The following ABCA3 variants were observed in gnomAD, a reference collection of about 807,000 sequenced individuals.
ABCA3 encodes the protein ATP binding cassette subfamily A member 3.
A neutral mutation model predicts 172.8 loss-of-function variants in ABCA3; 88 were observed. The observed-to-expected ratio is 0.51, with a 90% CI of 0.43 to 0.61. The LOEUF is 0.61. Among genes scored for constraint, ABCA3 ranks in the 20% least tolerant of loss-of-function variants. ABCA3 has a pLI of 0.00. For missense variants in ABCA3, 2,164 were observed against 2,301.0 expected, an observed-to-expected ratio of 0.94 and a Z score of 1.22; for synonymous variants, 1,066 against 983.8, an observed-to-expected ratio of 1.08 and a Z score of -1.56.
At chr16:2,329,545 T>A (rs539327853) in intron 2 of ABCA3, 103 bp downstream of exon 2, 1 of 152,364 alleles carries the variant, frequency 6.6e-6, no homozygotes, top group East Asian at 1.9e-4. Context: ...AAGATCCCCA[T>A]GCTTAATCTT....
In ABCA3 at chr16:2,278,894, C is replaced by T; in HGVS notation, c.4547+49G>A. 6.2e-7 allele frequency: 1 copy of T among 1,611,748 alleles called. No individual in the cohort carries two copies. The highest frequency in any genetic ancestry group is 1.3e-5 in the African/African-American group (1 of 75,038). On this transcript the variant is annotated intron_variant, in intron 29 of 32. Coordinates refer to ENST00000301732, the MANE Select transcript of ABCA3 (RefSeq NM_001089.3). This position sits in a 1 kb window ranked among gnomAD's most constrained non-coding sequence, Gnocchi z 4.4. ...CACTCCCAGCTCTATGCTATGGGGA[C>T]CTTGATTCTGACTCCACTCTGGGAA...
intron 12 of ABCA3, among the ~76,000 whole-genome samples, chr16:2,301,217 C>CAA (rs2093688916): frequency 6.9e-6 from 1 of 144,398 alleles, no homozygotes; most frequent in Non-Finnish European, 1.5e-5. Flanking sequence ...GGCGACAGAG[C>CAA]GAGACTCCGT....
In ABCA3 at chr16:2,281,535, T is replaced by G. The variant is rs753552296; in HGVS notation, c.4036-26A>C. On this transcript the variant is annotated intron_variant, in intron 26 of 32. Transcript: ENST00000301732. This position sits in a 1 kb window ranked among gnomAD's most constrained non-coding sequence, Gnocchi z 4.7. ...CTGATTGACCAGGACAAAGACCGCA[T>G]GCGTGAACCCAGCCGCAGGGCGGCT... 1 of 1,434,976 alleles carries G rather than the reference T, an allele frequency of 7.0e-7. No homozygotes were observed. The highest frequency in any genetic ancestry group is 1.1e-5 in the South Asian group (1 of 88,930). The allele number at this position is 1,434,976 out of a possible 1,614,324, so 88.9% of individuals were successfully genotyped here.
chr16:2,322,781 A>T (rs1360270424), intron 7 of ABCA3, among the ~76,000 whole-genome samples: 4 of 152,074 alleles, frequency 2.6e-5, no homozygotes, highest in African/African-American at 9.7e-5. Flanking sequence ...AAGCAATGGC[A>T]ACAAAAGCCA....
intron 7 of ABCA3, among the ~76,000 whole-genome samples, chr16:2,322,358 G>A (rs1219759736): frequency 6.6e-6 from 1 of 151,606 alleles, no homozygotes; most frequent in Non-Finnish European, 1.5e-5. Context: ...AAGAGTAAAT[G>A]TTCCTGAAAA....
At chr16:2,316,215 G>A (rs1356513423) in intron 10 of ABCA3, among the ~76,000 whole-genome samples, 2 of 147,410 alleles carry the variant, frequency 1.4e-5, no homozygotes, top group Non-Finnish European at 3.0e-5. Flanking sequence ...GGCTGAGGCT[G>A]GAAGATAGCT....
At chr16:2,318,325 C>T (rs1259384427) in intron 8 of ABCA3, among the ~76,000 whole-genome samples, 1 of 152,104 alleles carries the variant, frequency 6.6e-6, no homozygotes, top group Admixed American at 6.6e-5. Context: ...CCTCACCTGC[C>T]CCACCAAGGA....
Position 2,319,628 on chromosome 16 carries a change from G to T in ABCA3, c.826C>A (p.Leu276Ile). 6.2e-7 allele frequency: 1 copy of T among 1,613,552 alleles called. No homozygotes were observed. ...TGCACGACAGCACGGGCAATGGTGA[G>T]CGCGGTGTAGGTGAAGCTGAGCAGC... ...LLLLSFTYTA[L>I]TIARAVVQEK... Residue 276 changes from leucine (L) to isoleucine (I), a missense_variant, in exon 8 of 33, where the codon CTC (leucine) becomes ATC (isoleucine). Coordinates refer to ENST00000301732, the MANE Select transcript of ABCA3 (RefSeq NM_001089.3).
rs2141694682 is a variant in ABCA3, at chr16:2,285,124, G to A, written c.3484-126C>T. On this transcript the variant is annotated intron_variant, in intron 23 of 32. Transcript: ENST00000301732. This position sits in a 1 kb window ranked among gnomAD's most constrained non-coding sequence, Gnocchi z 4.7. Reference sequence around the variant, plus strand: ...CCGGTCAGCTGGCCCATGTCCATCAGCCCCACAGGCCACGTCTGGCCCCCG... The same window carrying A: ...CCGGTCAGCTGGCCCATGTCCATCAACCCCACAGGCCACGTCTGGCCCCCG... 2 of 1,091,976 alleles carry A rather than the reference G, an allele frequency of 1.8e-6. No individual in the cohort carries two copies. The highest frequency in any genetic ancestry group is 2.6e-5 in the East Asian group (1 of 38,864). 67.6% of individuals were successfully genotyped at this position (1,091,976 alleles called of 1,614,324 possible).
In ABCA3 at chr16:2,340,643, G is replaced by C. The variant is rs1285145854; in HGVS notation, c.-609C>G. ...GCGGGGTCCCCTCCCTCGGCCACCC[G>C]GGCTCCGCTCCAGCCTCGCAGTGGC... On this transcript the variant is annotated 5_prime_UTR_variant, in exon 1 of 33. Coordinates refer to ENST00000301732, the MANE Select transcript of ABCA3 (RefSeq NM_001089.3). The C allele has an allele frequency of 1.3e-5, 2 of 149,802 alleles. No homozygotes were observed. The highest frequency in any genetic ancestry group is 4.9e-5 in the African/African-American group (2 of 41,182). The allele number at this position is 149,802 out of a possible 1,614,324, so 9.3% of individuals were successfully genotyped here.
chr16:2,317,648 C>A lies in ABCA3; in HGVS notation c.990G>T (p.Lys330Asn). The change falls in exon 9 of 33, where the codon AAG becomes AAT. Residue 330 changes from lysine (K) to asparagine (N), a missense_variant and splice_region_variant. This residue lies in a region of ABCA3 where 1,343 missense variants were observed against 1,369.6 expected (regional missense o/e 0.98). Transcript: ENST00000301732. Reference sequence around the variant, plus strand: ...AGAGCCCCACCGACGCCATGCTCACCTTGACACAGAAGAGCAGGGTCATGA... The same window carrying A: ...AGAGCCCCACCGACGCCATGCTCACATTGACACAGAAGAGCAGGGTCATGA... ...ASFMTLLFCV[K>N]VKPNVAVLSR... 6.2e-7 allele frequency: 1 copy of A among 1,614,178 alleles called. No individual in the cohort carries two copies. The highest frequency in any genetic ancestry group is 1.1e-5 in the South Asian group (1 of 91,076).
Position 2,332,215 on chromosome 16 carries a change from T to C in ABCA3, c.-538-2361A>G, listed in dbSNP as rs2093744320. The C allele has an allele frequency of 1.5e-5, 6 of 398,622 alleles. 1 individual carries two copies. The East Asian group carries it at 3.0e-4, about 20-fold the overall frequency. The allele number at this position is 398,622 out of a possible 1,614,324, so 24.7% of individuals were successfully genotyped here. A position where few individuals can be genotyped will look rare whatever the true frequency, so the allele number is the denominator to read the frequency against. ...AGTGCTCAGCAGCAAATTGGAGAAA[T>C]CCCAAACTCCTCCATTTCTTTTTTT... On this transcript the variant is annotated intron_variant, in intron 1 of 32. Transcript: ENST00000301732.
intron 12 of ABCA3, among the ~76,000 whole-genome samples, chr16:2,301,169 T>A (rs1169123724): frequency 6.8e-6 from 1 of 146,256 alleles, no homozygotes; most frequent in Admixed American, 6.8e-5. Context: ...AGGCGGAGCT[T>A]GCAGTGAGCC....
At chr16:2,296,013 A>G (rs2093679209) in intron 17 of ABCA3, among the ~76,000 whole-genome samples, 1 of 152,196 alleles carries the variant, frequency 6.6e-6, no homozygotes, top group Non-Finnish European at 1.5e-5. Context: ...CCCCCCAGCT[A>G]TACAAGCACC....
At position 2,307,562 on chromosome 16, in the gene ABCA3, A is replaced by G. The variant is rs115719761; in HGVS notation, c.1285+888T>C. Among the ~76,000 whole-genome samples the G allele has an allele frequency of 5.0e-3, 759 of 152,166 alleles. 3 individuals are homozygous for G. Among genetic ancestry groups the G allele is most frequent in the African/African-American group, 0.017 (717 of 41,506 alleles). On this transcript the variant is annotated intron_variant, in intron 11 of 32. Transcript: ENST00000301732. ...GAACGAGACTCTTGTCTCAAAAAAA[A>G]AGAAAAAAAGTCCTCAAAACCCTAG...
chr16:2,326,337 G>A, intron 4 of ABCA3, 63 bp from the exon 5 acceptor site: 1 of 1,611,462 alleles, frequency 6.2e-7, no homozygotes, highest in South Asian at 1.1e-5. Flanking sequence ...CATGCAGACA[G>A]CCCTTCCCTC....
In ABCA3 at chr16:2,298,450, C is replaced by G; in HGVS notation, c.1832G>C (p.Cys611Ser). The change falls in exon 15 of 33, where the codon TGC becomes TCC. Residue 611 changes from cysteine to serine, a missense_variant. Cys to Ser is a moderately radical substitution (Grantham distance 112). Transcript: ENST00000301732. ...MVQIRKSLGL[C>S]PQHDILFDNL... ...GTCAAACAGGATGTCGTGCTGCGGG[C>G]ACAGGCCCAGGCTCTTCCGGATCTG... The G allele has an allele frequency of 6.2e-7, 1 of 1,614,132 alleles. No homozygotes were observed. Among genetic ancestry groups the G allele is most frequent in the Non-Finnish European group, 8.5e-7 (1 of 1,180,044 alleles).
intron 18 of ABCA3, among the ~76,000 whole-genome samples, chr16:2,294,354 T>C (rs908408073): frequency 6.6e-6 from 1 of 152,042 alleles, no homozygotes; most frequent in East Asian, 1.9e-4. Flanking sequence ...ATAAAATTAA[T>C]AGAAGAAGTC....
At position 2,277,883 on chromosome 16, in the gene ABCA3, A is replaced by G. The variant is rs773897737; in HGVS notation, c.4905T>C (p.Phe1635=). 4.5e-5 allele frequency: 73 copies of G among 1,608,922 alleles called. 2 individuals carry two copies. In the South Asian group the frequency reaches 6.6e-4, roughly 15 times the overall value. ...GCTGCCGGGGCCGGCACACACCTGG[A>G]AAGGTCAGGTCCACGAAGGCCTTGA... is the stretch of plus-strand genomic sequence containing the variant. ...EEFKAFVDLT[F]PGSVLEDEHQ... The change falls in exon 31 of 33, where the codon TTT becomes TTC. Residue 1635 remains phenylalanine (F), a synonymous_variant. Transcript: ENST00000301732. The surrounding 1 kb of genome is among the most constrained non-coding windows in gnomAD (Gnocchi z 5.3).
Sources: gnomAD v4.1 joint callset for allele counts (sites outside exome capture counted in the v4.1 genomes callset) on GRCh38, gnomAD v4.1.1 for gene constraint, gnomAD v4.1.1 regional missense constraint, Gnocchi (gnomAD v3.1) non-coding constraint, MANE v1.5 for transcripts, NCBI Gene and HGNC (gene_info 2026-07-23, HGNC 2026-07-21) for gene names.